SUPV3L1: variants seen among roughly 807,000 people sequenced by gnomAD.
SUPV3L1 encodes the protein ATP-dependent RNA helicase SUPV3L1, mitochondrial.
Under a neutral mutation model 70.0 loss-of-function variants are expected in SUPV3L1, and 35 were observed. The observed-to-expected ratio is 0.50, with a 90% CI of 0.38 to 0.66. The LOEUF is 0.66. SUPV3L1 is among the 30% of genes least tolerant of loss of function. SUPV3L1 has a pLI of 0.00. For missense variants in SUPV3L1, 777 were observed against 961.5 expected (o/e 0.81, Z 2.54); for synonymous variants, 364 against 341.9 (o/e 1.06, Z -0.71).
At position 69,188,567 on chromosome 10, in the gene SUPV3L1, C is replaced by T. The variant is rs150519276; in HGVS notation, c.573-700C>T. Among the ~76,000 whole-genome samples, 1,073 of 152,084 alleles carry T rather than the reference C, an allele frequency of 7.1e-3. 11 individuals are homozygous for T. The highest frequency in any genetic ancestry group is 0.024 in the African/African-American group (1,014 of 41,484). ...AGGCTGGAGTGCAGTGGTGCGTTCT[C>T]GGCTCACTGCAACCTGCACCTCACA... On this transcript the variant is annotated intron_variant, in intron 4 of 14. Transcript: ENST00000359655.
rs185285282 is a variant in SUPV3L1, at chr10:69,197,799, G to A, written c.1024-573G>A. On this transcript the variant is annotated intron_variant, in intron 8 of 14. Coordinates refer to ENST00000359655, the MANE Select transcript of SUPV3L1 (RefSeq NM_003171.5). ...ACCAAGGCTGGTCTCGAACTCCAGT[G>A]CTCAAGCAATTCTCCCACCTTGGCC... 1.1e-4 allele frequency among the ~76,000 whole-genome samples: 16 copies of A among 152,290 alleles called. No individual in the cohort carries two copies. The East Asian group carries it at 2.9e-3, about 28-fold the overall frequency.
At chr10:69,203,421 T>C (rs1842736826) in intron 13 of SUPV3L1, among the ~76,000 whole-genome samples, 1 of 152,084 alleles carries the variant, frequency 6.6e-6, no homozygotes, top group Non-Finnish European at 1.5e-5. Flanking sequence ...CCCAGCACTT[T>C]GGGAGGCCGA....
Position 69,202,513 on chromosome 10 carries a change from T to C in SUPV3L1, c.1593T>C (p.Asn531=), listed in dbSNP as rs1483506300. ...AYHLPDATLS[N]LIDIFVDFSQ... Reference sequence around the variant, plus strand: ...ATCTCCCTGATGCAACACTGTCCAATCTCATTGTAAGTGGAAACTCCCTTT... The same window carrying C: ...ATCTCCCTGATGCAACACTGTCCAACCTCATTGTAAGTGGAAACTCCCTTT... Residue 531 remains asparagine, a synonymous_variant, in exon 12 of 15, where the codon AAT becomes AAC. Transcript: ENST00000359655. 3.1e-6 allele frequency: 5 copies of C among 1,611,826 alleles called. No homozygotes were observed. The African/African-American group carries it at 6.7e-5, about 22-fold the overall frequency.
In SUPV3L1 at chr10:69,186,517, C is replaced by A; in HGVS notation, c.424C>A (p.His142Asn). Residue 142 changes from histidine (H) to asparagine (N), a missense_variant, in exon 3 of 15, where the codon CAC (histidine) becomes AAC (asparagine). His to Asn is a moderately conservative substitution (Grantham distance 68). Coordinates refer to ENST00000359655, the MANE Select transcript of SUPV3L1 (RefSeq NM_003171.5). ...MQSHSLDVDI[H>N]IVLNDICFGA... ...GTCTCATTCCCTGGATGTGGACATT[C>A]ACATTGTTTTGAATGATATTTGCTT... 2 of 1,614,012 alleles carry A rather than the reference C, an allele frequency of 1.2e-6. No homozygotes were observed.
intron 1 of SUPV3L1, among the ~76,000 whole-genome samples, chr10:69,184,365 CTAAAAA>C (rs1341296692): frequency 5.9e-5 from 9 of 151,946 alleles, no homozygotes; most frequent in Admixed American, 5.9e-4. Context: ...CCTGTCTCTA[CTAAAAA>C]TACAAAATTA....
intron 1 of SUPV3L1, chr10:69,182,487 A>G (rs1842094059): frequency 2.0e-6 from 2 of 982,024 alleles, no homozygotes; most frequent in Non-Finnish European, 2.4e-6. Flanking sequence ...GCCTTATTGT[A>G]TTCAAATATT....
chr10:69,204,097 T>G (rs1842759024), intron 13 of SUPV3L1, among the ~76,000 whole-genome samples: 1 of 152,162 alleles, frequency 6.6e-6, no homozygotes, highest in South Asian at 2.1e-4. Context: ...TTAACTACAT[T>G]ATGGCATATC....
At chr10:69,202,730 G>T in intron 12 of SUPV3L1, 137 bp from the exon 13 acceptor site, 2 of 1,029,152 alleles carry the variant, frequency 1.9e-6, no homozygotes, top group South Asian at 3.3e-5. Flanking sequence ...AAGGATATGA[G>T]GGAGTGATTA....
intron 1 of SUPV3L1, 33 bp downstream of exon 1, chr10:69,180,595 G>A (rs755624757): frequency 3.7e-6 from 6 of 1,608,334 alleles, no homozygotes; most frequent in East Asian, 2.2e-5. Flanking sequence ...GCGGCAGAGG[G>A]TGGTGTCTGC....
chr10:69,188,651 A>G (rs1390375646), intron 4 of SUPV3L1, among the ~76,000 whole-genome samples: 3 of 152,016 alleles, frequency 2.0e-5, no homozygotes, highest in African/African-American at 4.8e-5. Flanking sequence ...GGCGTGTGCT[A>G]CCACACCTGG....
chr10:69,204,265 C>G (rs1160892185), intron 13 of SUPV3L1, among the ~76,000 whole-genome samples: 1 of 152,130 alleles, frequency 6.6e-6, no homozygotes, highest in Non-Finnish European at 1.5e-5. Context: ...CGCCCTATTT[C>G]CTCTGCTTTG....
chr10:69,191,582 A>G, intron 5 of SUPV3L1, 73 bp from the exon 6 acceptor site: 1 of 1,275,158 alleles, frequency 7.8e-7, no homozygotes, highest in Non-Finnish European at 1.1e-6. Context: ...AGTGGAGAGA[A>G]CACCCTGTTA....
intron 7 of SUPV3L1, 62 bp downstream of exon 7, chr10:69,195,327 A>G: frequency 7.5e-7 from 1 of 1,336,958 alleles, no homozygotes; most frequent in Non-Finnish European, 1.0e-6. Flanking sequence ...ATGCATTTTT[A>G]TCTGCTTGCC....
rs555044309 is a variant in SUPV3L1, at chr10:69,208,900, C to T, written c.2226C>T (p.Leu742=). Residue 742 remains leucine (L), a synonymous_variant, in exon 15 of 15, where the codon CTC becomes CTT. Coordinates refer to ENST00000359655, the MANE Select transcript of SUPV3L1 (RefSeq NM_003171.5). ...CTTCCAGATTGGTGCAGCAAGGACT[C>T]CTCACTCCAGACATGCTGAAACAGC... ...SLASRLVQQG[L]LTPDMLKQLE... The T allele has an allele frequency of 1.2e-5, 20 of 1,614,114 alleles. 1 individual carries two copies. The South Asian group carries it at 2.0e-4, about 16-fold the overall frequency.
At chr10:69,185,406 C>A (rs1289386076) in intron 1 of SUPV3L1, among the ~76,000 whole-genome samples, 7 of 152,118 alleles carry the variant, frequency 4.6e-5, no homozygotes, top group Admixed American at 3.3e-4. Context: ...CTATAAGTGG[C>A]CTGGTGAAGG....
At chr10:69,191,809 A>ATTTT in intron 6 of SUPV3L1, 43 bp downstream of exon 6, 3 of 1,173,948 alleles carry the variant, frequency 2.6e-6, no homozygotes, top group South Asian at 1.5e-5. Flanking sequence ...GGTATTTTTA[A>ATTTT]TTTTTTTTTT....
chr10:69,192,018 G>T (rs1842411903), intron 6 of SUPV3L1: 2 of 269,994 alleles, frequency 7.4e-6, no homozygotes, highest in Non-Finnish European at 7.2e-6. Flanking sequence ...TGTTGGTCAG[G>T]CTGGTCTCAA....
chr10:69,206,840 G>A (rs989652756), intron 13 of SUPV3L1, among the ~76,000 whole-genome samples: 7 of 152,150 alleles, frequency 4.6e-5, no homozygotes, highest in East Asian at 1.9e-4. Flanking sequence ...AACCCCGTCT[G>A]CACTAAAAAT....
At chr10:69,201,275 C>G (rs925105325) in intron 11 of SUPV3L1, among the ~76,000 whole-genome samples, 2 of 152,160 alleles carry the variant, frequency 1.3e-5, no homozygotes, top group African/African-American at 4.8e-5. Context: ...CTCTTTTCTT[C>G]TGTCTTTTTC....
Sources: allele counts gnomAD v4.1 joint callset (sites outside exome capture counted in the v4.1 genomes callset), GRCh38; gene constraint gnomAD v4.1.1; transcripts MANE v1.5; gene names NCBI Gene and HGNC (gene_info 2026-07-23, HGNC 2026-07-21).